Variants in ZBTB16 observed in about 807,000 individuals in gnomAD.
ZBTB16 encodes zinc finger and BTB domain containing 16, also known as zinc finger and BTB domain-containing protein 16.
ZBTB16 carries 8 observed loss-of-function variants against 56.8 expected under a neutral mutation model. The observed-to-expected ratio is 0.14, with a 90% confidence interval of 0.08 to 0.25. ZBTB16 has a LOEUF of 0.25. Among genes scored for constraint, ZBTB16 ranks in the 10% least tolerant of loss-of-function variants. The pLI is 1.00. For missense variants in ZBTB16, 625 were observed against 903.0 expected (o/e 0.69, Z 3.95); for synonymous variants, 363 against 368.5 (o/e 0.98, Z 0.17).
At chr11:114,207,972 C>G (rs1943920850) in intron 4 of ZBTB16, among the ~76,000 whole-genome samples, 1 of 152,240 alleles carries the variant, frequency 6.6e-6, no homozygotes, top group Non-Finnish European at 1.5e-5. Flanking sequence ...TTGTCCCGAA[C>G]TCCTGACCTC....
intron 4 of ZBTB16, among the ~76,000 whole-genome samples, chr11:114,197,425 C>T (rs1201556091): frequency 6.6e-6 from 1 of 152,156 alleles, no homozygotes; most frequent in African/African-American, 2.4e-5. Flanking sequence ...TATACTCTGT[C>T]TTCCCCCCAC....
intron 2 of ZBTB16, among the ~76,000 whole-genome samples, chr11:114,117,253 T>C (rs1591682573): frequency 6.6e-6 from 1 of 152,164 alleles, no homozygotes; most frequent in Non-Finnish European, 1.5e-5. Context: ...TGTGAGCCTA[T>C]CATGAAGTCT....
chr11:114,123,486 C>T (rs533746793), intron 2 of ZBTB16, among the ~76,000 whole-genome samples: 3 of 152,154 alleles, frequency 2.0e-5, no homozygotes, highest in African/African-American at 4.8e-5. Flanking sequence ...TGCATATATA[C>T]ACATATGTAC....
Position 114,250,496 on chromosome 11 carries a change from G to C in ZBTB16, c.1963G>C (p.Glu655Gln). ...MQKHMKGHKPEEIPPDWRIEK... is the reference protein window; with the variant it reads ...MQKHMKGHKPQEIPPDWRIEK... ...GAAGCACATGAAGGGCCACAAGCCCGAGGAGATCCCGCCCGACTGGAGGAT... is the reference window on the plus strand; with the variant it reads ...GAAGCACATGAAGGGCCACAAGCCCCAGGAGATCCCGCCCGACTGGAGGAT... The change falls in exon 7 of 7, where the codon GAG (glutamate) becomes CAG (glutamine). Residue 655 changes from glutamate (E) to glutamine (Q), a missense_variant. By Grantham distance (29) the Glu-to-Gln change is conservative. Around this residue, in one of 6 missense-constraint regions of ZBTB16, gnomAD observed 40 missense variants for 93.2 expected, o/e 0.43. Transcript: ENST00000335953. This position sits in a 1 kb window ranked among gnomAD's most constrained non-coding sequence, Gnocchi z 6.0. 6.2e-7 allele frequency: 1 copy of C among 1,614,190 alleles called. No homozygotes were observed. The highest frequency in any genetic ancestry group is 8.5e-7 in the Non-Finnish European group (1 of 1,180,042).
rs574830569 is a variant in ZBTB16, at chr11:114,088,443, G to C, written c.1268+23875G>C. Among the ~76,000 whole-genome samples, 15 of 152,182 alleles carry C rather than the reference G, an allele frequency of 9.9e-5. No homozygotes were observed. In the East Asian group the frequency reaches 2.9e-3, roughly 29 times the overall value. On this transcript the variant is annotated intron_variant, in intron 2 of 6. Transcript: ENST00000335953. ...AGGTGTGAGTCACTGTGCCCGGCCT[G>C]GATCTTTTATTGTTTGTATTTCTGT...
At chr11:114,132,554 G>GCCT (rs979320998) in intron 2 of ZBTB16, among the ~76,000 whole-genome samples, 4 of 152,190 alleles carry the variant, frequency 2.6e-5, no homozygotes, top group African/African-American at 9.6e-5. Flanking sequence ...CCCTCCCTGA[G>GCCT]CCTCCATCCT....
At chr11:114,244,365 T>TG (rs1187381966) in intron 5 of ZBTB16, among the ~76,000 whole-genome samples, 422 of 80,464 alleles carry the variant, frequency 5.2e-3, no homozygotes, top group Middle Eastern at 0.029. Flanking sequence ...AAGGACAGAT[T>TG]GGGGGGGGCG....
chr11:114,194,804 TA>T (rs1459256705), intron 4 of ZBTB16, among the ~76,000 whole-genome samples: 1 of 152,228 alleles, frequency 6.6e-6, no homozygotes. Flanking sequence ...AATTAGTAAG[TA>T]GTTCTTTAAG....
intron 2 of ZBTB16, among the ~76,000 whole-genome samples, chr11:114,129,352 C>T (rs1243187715): frequency 6.6e-6 from 1 of 152,216 alleles, no homozygotes; most frequent in Non-Finnish European, 1.5e-5. Flanking sequence ...GCAGAGAACC[C>T]TTGGAGTAGG....
At chr11:114,120,625 C>T (rs1428885484) in intron 2 of ZBTB16, among the ~76,000 whole-genome samples, 1 of 152,228 alleles carries the variant, frequency 6.6e-6, no homozygotes, top group African/African-American at 2.4e-5. Flanking sequence ...CCACACTCAC[C>T]ACTGGCAACC....
intron 2 of ZBTB16, among the ~76,000 whole-genome samples, chr11:114,083,796 C>T (rs529259335): frequency 1.3e-5 from 2 of 152,222 alleles, no homozygotes; most frequent in East Asian, 3.9e-4. Flanking sequence ...ATGCCGCCCC[C>T]CCGCCCCACC....
At chr11:114,246,761 T>G in intron 5 of ZBTB16, 1 of 242,946 alleles carries the variant, frequency 4.1e-6, no homozygotes. Flanking sequence ...TAGAAGGTGT[T>G]TGGGGGACAA....
intron 3 of ZBTB16, among the ~76,000 whole-genome samples, chr11:114,177,353 C>T (rs1417825985): frequency 6.6e-6 from 1 of 152,122 alleles, no homozygotes; most frequent in East Asian, 1.9e-4. Flanking sequence ...GGGGTTCTAG[C>T]GATTCTCCTG....
chr11:114,159,938 G>GGA (rs1491306282), intron 3 of ZBTB16, among the ~76,000 whole-genome samples: 1 of 65,678 alleles, frequency 1.5e-5, no homozygotes, highest in Admixed American at 1.5e-4. Context: ...CGGGGGAGGC[G>GGA]GGGGGGAGGC....
At chr11:114,072,781 A>G (rs898328873) in intron 2 of ZBTB16, among the ~76,000 whole-genome samples, 1 of 152,120 alleles carries the variant, frequency 6.6e-6, no homozygotes, top group Non-Finnish European at 1.5e-5. Flanking sequence ...GGCCGGGCGC[A>G]GTGGCTCATG....
chr11:114,111,457 G>T (rs1053732108), intron 2 of ZBTB16, among the ~76,000 whole-genome samples: 1 of 152,064 alleles, frequency 6.6e-6, no homozygotes, highest in African/African-American at 2.4e-5. Flanking sequence ...ACTGCCTAGC[G>T]CTGCGAACCA....
intron 3 of ZBTB16, among the ~76,000 whole-genome samples, chr11:114,178,786 A>G (rs1489398986): frequency 5.3e-5 from 8 of 152,212 alleles, no homozygotes; most frequent in Non-Finnish European, 1.2e-4. Flanking sequence ...TCCCTCAGCC[A>G]TAGAGATGTC....
chr11:114,129,836 C>T lies in ZBTB16; in HGVS notation c.1269-26501C>T, dbSNP rs550529285. ...TTTCATTCATTTTTCTATTTGCAGC[C>T]AGCACAGAATATGGGCTTCTCCCCC... On this transcript the variant is annotated intron_variant, in intron 2 of 6. Transcript: ENST00000335953. 1.3e-4 allele frequency among the ~76,000 whole-genome samples: 20 copies of T among 152,324 alleles called. No individual in the cohort carries two copies. The South Asian group carries it at 3.5e-3, about 27-fold the overall frequency.
chr11:114,080,464 C>G (rs1672718), intron 2 of ZBTB16, among the ~76,000 whole-genome samples: 92,014 of 151,876 alleles, frequency 0.61, 28,129 homozygotes, highest in East Asian at 0.82. Flanking sequence ...CTCTCTCTCT[C>G]TCTGCATTAT....
Sources: gnomAD v4.1 joint callset for allele counts (sites outside exome capture counted in the v4.1 genomes callset) on GRCh38, gnomAD v4.1.1 for gene constraint, gnomAD v4.1.1 regional missense constraint, Gnocchi (gnomAD v3.1) non-coding constraint, MANE v1.5 for transcripts, NCBI Gene and HGNC (gene_info 2026-07-23, HGNC 2026-07-21) for gene names.